UFL1: variants seen among roughly 807,000 people sequenced by gnomAD.
The protein encoded by UFL1 is E3 UFM1-protein ligase 1.
In UFL1, 78 loss-of-function variants were observed where a neutral mutation model predicts 99.3. The ratio of observed to expected loss-of-function variants is 0.79; its 90% CI spans 0.65 to 0.95. The LOEUF (loss-of-function observed/expected upper bound fraction) is 0.95. Among genes scored for constraint, UFL1 ranks in the 40% least tolerant of loss-of-function variants. The pLI is 0.00. For missense variants in UFL1, 936 were observed against 937.0 expected, an observed-to-expected ratio of 1.00 and a Z score of 0.01; for synonymous variants, 335 against 322.2, an observed-to-expected ratio of 1.04 and a Z score of -0.42.
intron 11 of UFL1, among the ~76,000 whole-genome samples, chr6:96,541,994 A>G (rs2127951994): frequency 6.6e-6 from 1 of 151,360 alleles, no homozygotes; most frequent in South Asian, 2.1e-4. Context: ...AGGCAAATCT[A>G]TTTAGAATTT....
At chr6:96,534,185 A>G in intron 6 of UFL1, 78 bp from the exon 7 acceptor site, 1 of 929,458 alleles carries the variant, frequency 1.1e-6, no homozygotes, top group African/African-American at 1.7e-5. Flanking sequence ...TTAAATTCTA[A>G]TTATCCTATT....
chr6:96,550,554 T>C (rs75629273), intron 15 of UFL1, among the ~76,000 whole-genome samples: 1 of 151,972 alleles, frequency 6.6e-6, no homozygotes, highest in Admixed American at 6.6e-5. Context: ...ATAGGCGATA[T>C]AAGTTGTTTC....
chr6:96,537,681 C>A, intron 9 of UFL1, 132 bp downstream of exon 9: 1 of 825,126 alleles, frequency 1.2e-6, no homozygotes, highest in Non-Finnish European at 1.8e-6. Flanking sequence ...ATTGTTATAA[C>A]AAAAATAATC....
At chr6:96,525,206 A>G (rs1769681636) in intron 3 of UFL1, 91 bp from the exon 4 acceptor site, 3 of 1,050,342 alleles carry the variant, frequency 2.9e-6, no homozygotes, top group South Asian at 3.3e-5. Flanking sequence ...CTGGCCGGCA[A>G]TTTCTTTAAA....
chr6:96,535,292 C>T (rs1051059153), intron 7 of UFL1, among the ~76,000 whole-genome samples: 3 of 151,956 alleles, frequency 2.0e-5, no homozygotes, highest in African/African-American at 7.2e-5. Flanking sequence ...TGCCAATCAT[C>T]TTTTGAATGT....
chr6:96,540,511 C>G, intron 10 of UFL1, 24 bp from the exon 11 acceptor site: 1 of 1,581,340 alleles, frequency 6.3e-7, no homozygotes, highest in South Asian at 1.2e-5. Flanking sequence ...TTTTTCCTAC[C>G]AAAAAAAGCA....
chr6:96,552,751 G>T, intron 18 of UFL1, 89 bp downstream of exon 18: 2 of 1,206,844 alleles, frequency 1.7e-6, no homozygotes, highest in Non-Finnish European at 1.1e-6. Context: ...TCAGCACTCA[G>T]GTATAAAATA....
intron 4 of UFL1, 84 bp from the exon 5 acceptor site, chr6:96,526,237 T>A: frequency 8.6e-7 from 1 of 1,163,902 alleles, no homozygotes; most frequent in African/African-American, 1.6e-5. Context: ...ATACTTCATT[T>A]CAACGGAAAT....
In UFL1 at chr6:96,552,035, T is replaced by A. The variant is rs2127953880; in HGVS notation, c.1985+112T>A. On this transcript the variant is annotated intron_variant, in intron 17 of 18. Coordinates refer to ENST00000369278, the MANE Select transcript of UFL1 (RefSeq NM_015323.5). ...ACACAGAGAATATGTACCTAATGTG[T>A]CTAATATATCTAAATGGCTGTAGAC... 1.5e-5 allele frequency: 10 copies of A among 671,984 alleles called. No homozygotes were observed. In the South Asian group the frequency reaches 2.1e-4, roughly 14 times the overall value. The allele number at this position is 671,984 out of a possible 1,614,324, so 41.6% of individuals were successfully genotyped here.
intron 15 of UFL1, 124 bp from the exon 16 acceptor site, chr6:96,551,309 A>G: frequency 5.1e-6 from 3 of 588,470 alleles, no homozygotes; most frequent in Non-Finnish European, 6.0e-6. Context: ...CTAATTTGAG[A>G]TCTAAAATTC....
chr6:96,524,374 C>T lies in UFL1; in HGVS notation c.224-8C>T. On this transcript the variant is annotated splice_polypyrimidine_tract_variant and splice_region_variant and intron_variant, in intron 2 of 18. Transcript: ENST00000369278. ...CATTTAAAATAAATGAATGTCTTTT[C>T]TTCAAAGGTCGAGTAAACATTGTTG... 1 of 1,588,332 alleles carries T rather than the reference C, an allele frequency of 6.3e-7. No homozygotes were observed. Among genetic ancestry groups the T allele is most frequent in the Non-Finnish European group, 8.5e-7 (1 of 1,170,178 alleles).
intron 3 of UFL1, among the ~76,000 whole-genome samples, chr6:96,524,666 TTTCTTA>T (rs1373414853): frequency 2.6e-5 from 4 of 152,206 alleles, no homozygotes; most frequent in Non-Finnish European, 5.9e-5. Flanking sequence ...CCTAGTTGGC[TTTCTTA>T]TTCTTAACTT....
rs1414617280 is a variant in UFL1, at chr6:96,525,233, T to C, written c.253-64T>C. The C allele has an allele frequency of 4.7e-6, 6 of 1,286,460 alleles. No individual in the cohort carries two copies. The East Asian group carries it at 9.5e-5, about 20-fold the overall frequency. 79.7% of individuals were successfully genotyped at this position (1,286,460 alleles called of 1,614,324 possible). A position where few individuals can be genotyped will look rare whatever the true frequency, so the allele number is the denominator to read the frequency against. On this transcript the variant is annotated intron_variant, in intron 3 of 18. Coordinates refer to ENST00000369278, the MANE Select transcript of UFL1 (RefSeq NM_015323.5). ...TTCTTTAAAAATATAGTTCTAAGTA[T>C]ATAATTTCAAGCTTAAGAAACAATA... is the stretch of plus-strand genomic sequence containing the variant.
chr6:96,537,401 T>A lies in UFL1; in HGVS notation c.830T>A (p.Ile277Asn). 2 of 1,584,270 alleles carry A rather than the reference T, an allele frequency of 1.3e-6. No homozygotes were observed. The highest frequency in any genetic ancestry group is 1.7e-6 in the Non-Finnish European group (2 of 1,169,486). ...LEFDALSRLG[I>N]PDAVSYIKKR... is the part of the protein sequence containing the mutation. The stretch of plus-strand genomic sequence containing the variant: ...TTTGATGCTTTGTCCAGACTTGGAA[T>A]CCCAGATGCTGTAAGCTACATAAAG... Residue 277 changes from isoleucine to asparagine, a missense_variant, in exon 9 of 19, where the codon ATC becomes AAC. Coordinates refer to ENST00000369278, the MANE Select transcript of UFL1 (RefSeq NM_015323.5).
At chr6:96,546,193 C>T (rs912818873) in intron 12 of UFL1, among the ~76,000 whole-genome samples, 3 of 147,468 alleles carry the variant, frequency 2.0e-5, no homozygotes, top group Admixed American at 6.8e-5. Flanking sequence ...AATGAGTATA[C>T]AAAAATTAGT....
rs750527117 is a variant in UFL1 at position 96,553,514 on chromosome 6, T to C, written c.*11T>C. 27 of 1,610,128 alleles carry C rather than the reference T, an allele frequency of 1.7e-5. No homozygotes were observed. Among genetic ancestry groups the C allele is most frequent in the Non-Finnish European group, 2.3e-5 (27 of 1,178,252 alleles). On this transcript the variant is annotated 3_prime_UTR_variant, in exon 19 of 19. Coordinates refer to ENST00000369278, the MANE Select transcript of UFL1 (RefSeq NM_015323.5). ...GTGACGGAAGAGTAATGATCTTAAT[T>C]TACATTTGTCATATAGTAAGCATTT...
intron 17 of UFL1, 88 bp downstream of exon 17, chr6:96,552,011 C>A: frequency 3.4e-6 from 3 of 881,842 alleles, no homozygotes; most frequent in South Asian, 1.5e-5. Context: ...CCGGCTCTTA[C>A]ACAGAGAATA....
chr6:96,525,091 G>A (rs1390881545), intron 3 of UFL1, among the ~76,000 whole-genome samples: 1 of 142,660 alleles, frequency 7.0e-6, no homozygotes, highest in African/African-American at 2.6e-5. Context: ...TTTTTGAGAT[G>A]GGAGTCTCCC....
At chr6:96,543,232 A>G (rs1769955236) in intron 12 of UFL1, among the ~76,000 whole-genome samples, 1 of 151,224 alleles carries the variant, frequency 6.6e-6, no homozygotes, top group South Asian at 2.1e-4. Context: ...ATACTTCGGT[A>G]TATTAACTGA....
Sources: allele counts gnomAD v4.1 joint callset (sites outside exome capture counted in the v4.1 genomes callset), GRCh38; gene constraint gnomAD v4.1.1; transcripts MANE v1.5; gene names NCBI Gene and HGNC (gene_info 2026-07-23, HGNC 2026-07-21).